Variants in IRAK2 observed in about 807,000 individuals in gnomAD.
The protein encoded by IRAK2 is interleukin 1 receptor associated kinase 2.
A neutral mutation model predicts 72.0 loss-of-function variants in IRAK2; 57 were observed. That is an observed-to-expected ratio of 0.79 (90% CI 0.64 to 0.99). The LOEUF (loss-of-function observed/expected upper bound fraction) is 0.99. Among genes scored for constraint, IRAK2 ranks in the 50% least tolerant of loss-of-function variants. The probability of loss-of-function intolerance (pLI) is 0.00; values close to 1 mark genes in which losing one functional copy is unlikely to be tolerated. For missense variants in IRAK2, 790 were observed against 794.4 expected (o/e 0.99, Z 0.07); for synonymous variants, 293 against 312.7 (o/e 0.94, Z 0.67).
intron 3 of IRAK2, among the ~76,000 whole-genome samples, chr3:10,206,347 C>T (rs1174282428): frequency 1.3e-5 from 2 of 152,164 alleles, no homozygotes; most frequent in African/African-American, 4.8e-5. Context: ...CGCAGATAGC[C>T]AGGCTCCCAG....
intron 6 of IRAK2, among the ~76,000 whole-genome samples, chr3:10,216,661 C>G (rs1053683917): frequency 2.6e-5 from 4 of 152,146 alleles, no homozygotes; most frequent in South Asian, 2.1e-4. Context: ...GGGCAAGTCC[C>G]TTAACCTCTC....
At chr3:10,168,661 G>T (rs1195650642) in intron 1 of IRAK2, among the ~76,000 whole-genome samples, 2 of 152,140 alleles carry the variant, frequency 1.3e-5, no homozygotes, top group African/African-American at 4.8e-5. Flanking sequence ...GAATACCTCT[G>T]CGAGGCTCCC....
intron 4 of IRAK2, among the ~76,000 whole-genome samples, chr3:10,210,865 T>C (rs1697507226): frequency 6.6e-6 from 1 of 152,098 alleles, no homozygotes; most frequent in South Asian, 2.1e-4. Context: ...GTTTTTTTTG[T>C]TTTTGTGTTT....
chr3:10,211,016 GTTTGGCTAATTTTTTTTTGTA>G (rs2125155070), intron 4 of IRAK2, among the ~76,000 whole-genome samples: 1 of 152,128 alleles, frequency 6.6e-6, no homozygotes, highest in East Asian at 1.9e-4. Flanking sequence ...ATGCCAGCAT[GTTTGGCTAATTTTTTTTTGTA>G]TTTTTAGTGG....
At chr3:10,218,142 G>A (rs1559449941) in intron 7 of IRAK2, among the ~76,000 whole-genome samples, 1 of 152,196 alleles carries the variant, frequency 6.6e-6, no homozygotes, top group African/African-American at 2.4e-5. Flanking sequence ...TAGGTGATGA[G>A]GCTGGGCACA....
At chr3:10,218,238 A>G (rs972556942) in intron 7 of IRAK2, among the ~76,000 whole-genome samples, 1 of 152,110 alleles carries the variant, frequency 6.6e-6, no homozygotes, top group Non-Finnish European at 1.5e-5. Context: ...AGCCTGACCA[A>G]TATGGTGAAA....
In IRAK2 at chr3:10,240,579, G is replaced by C. The variant is rs1267855309; in HGVS notation, c.1766-1537G>C. On this transcript the variant is annotated intron_variant, in intron 12 of 12. Transcript: ENST00000256458. ...CCGCCTTTTTTTTTTTTTGTTTTGA[G>C]ACAGTGTTTCACTCTTGTTGCCCAG... Among the ~76,000 whole-genome samples, 4 of 72,248 alleles carry C rather than the reference G, an allele frequency of 5.5e-5. 1 individual carries two copies. Among genetic ancestry groups the C allele is most frequent in the African/African-American group, 1.3e-4 (2 of 15,380 alleles). The allele number at this position is 72,248 out of a possible 152,430, so 47.4% of individuals were successfully genotyped here.
At chr3:10,205,815 C>T (rs1697425977) in intron 3 of IRAK2, among the ~76,000 whole-genome samples, 1 of 152,214 alleles carries the variant, frequency 6.6e-6, no homozygotes, top group Non-Finnish European at 1.5e-5. Flanking sequence ...TCAGGTGACT[C>T]ATAGTGAGGT....
intron 10 of IRAK2, among the ~76,000 whole-genome samples, chr3:10,228,937 T>A (rs1438983062): frequency 8.8e-6 from 1 of 113,686 alleles, no homozygotes; most frequent in Non-Finnish European, 2.1e-5. Flanking sequence ...TGTAGTGGCA[T>A]TTTTTTTTTT....
intron 10 of IRAK2, among the ~76,000 whole-genome samples, chr3:10,231,700 G>C (rs1559453264): frequency 6.6e-6 from 1 of 152,126 alleles, no homozygotes; most frequent in Non-Finnish European, 1.5e-5. Flanking sequence ...ATTTTATGTG[G>C]AGATGGGATG....
intron 11 of IRAK2, 87 bp downstream of exon 11, chr3:10,234,746 A>G: frequency 1.7e-6 from 2 of 1,176,448 alleles, no homozygotes; most frequent in Non-Finnish European, 2.4e-6. Flanking sequence ...GGCCTGGTGC[A>G]CAAACCAGGG....
At chr3:10,167,575 C>T (rs762239310) in intron 1 of IRAK2, among the ~76,000 whole-genome samples, 15 of 152,148 alleles carry the variant, frequency 9.9e-5, no homozygotes, top group East Asian at 5.8e-4. Flanking sequence ...CCACCATGCC[C>T]GGCTAATTTT....
chr3:10,187,239 G>C, intron 2 of IRAK2, among the ~76,000 whole-genome samples: 1 of 147,582 alleles, frequency 6.8e-6, no homozygotes. Flanking sequence ...AATGTCTCCC[G>C]ATGCCCCATT....
intron 1 of IRAK2, among the ~76,000 whole-genome samples, chr3:10,174,503 T>G (rs1012406571): frequency 6.6e-6 from 1 of 151,990 alleles, no homozygotes. Context: ...GGCCCACCTA[T>G]GTTTATATAT....
At chr3:10,220,020 T>G (rs1383056218) in intron 8 of IRAK2, among the ~76,000 whole-genome samples, 1 of 152,208 alleles carries the variant, frequency 6.6e-6, no homozygotes, top group African/African-American at 2.4e-5. Flanking sequence ...ATTGCCTACC[T>G]GTCACATTTG....
At chr3:10,180,956 G>A (rs1269436714) in intron 2 of IRAK2, among the ~76,000 whole-genome samples, 1 of 151,988 alleles carries the variant, frequency 6.6e-6, no homozygotes, top group African/African-American at 2.4e-5. Flanking sequence ...GGAATGGGGC[G>A]ATCTGGCTAC....
At chr3:10,202,689 C>CTTT (rs374939802) in intron 3 of IRAK2, among the ~76,000 whole-genome samples, 5,943 of 97,932 alleles carry the variant, frequency 0.061, 359 homozygotes, top group African/African-American at 0.12. Context: ...ACTTTCTTTC[C>CTTT]TTTTTTTTTT....
chr3:10,176,578 T>C (rs188531401), intron 1 of IRAK2, among the ~76,000 whole-genome samples: 5 of 145,288 alleles, frequency 3.4e-5, no homozygotes, highest in South Asian at 2.3e-4. Context: ...CTCGGGTTCA[T>C]GACATTCTCC....
At chr3:10,166,376 G>A (rs76281478) in intron 1 of IRAK2, among the ~76,000 whole-genome samples, 16 of 152,296 alleles carry the variant, frequency 1.1e-4, no homozygotes, top group Admixed American at 7.2e-4. Context: ...GGTGCCTGAC[G>A]GATGACTGGC....
Sources: allele counts gnomAD v4.1 joint callset (sites outside exome capture counted in the v4.1 genomes callset), GRCh38; gene constraint gnomAD v4.1.1; transcripts MANE v1.5; gene names NCBI Gene and HGNC (gene_info 2026-07-23, HGNC 2026-07-21).